STRN: variants seen among roughly 807,000 people sequenced by gnomAD.
STRN encodes protein phosphatase 2 regulatory subunit B'''alpha.
Under a neutral mutation model 96.3 loss-of-function variants are expected in STRN, and 53 were observed. The observed-to-expected ratio is 0.55, with a 90% confidence interval of 0.44 to 0.69. STRN has a LOEUF of 0.69. Among genes scored for constraint, STRN ranks in the 30% least tolerant of loss-of-function variants. The pLI is 0.00. For missense variants in STRN, 987 were observed against 963.9 expected, an observed-to-expected ratio of 1.02 and a Z score of -0.32; for synonymous variants, 428 against 355.9, an observed-to-expected ratio of 1.20 and a Z score of -2.28.
In STRN at chr2:36,839,244, T is replaced by C. The variant is rs1168716028; in HGVS notation, c.*10212A>G. Among the ~76,000 whole-genome samples the C allele has an allele frequency of 1.3e-5, 2 of 152,186 alleles. No homozygotes were observed. The highest frequency in any genetic ancestry group is 6.5e-5 in the Admixed American group (1 of 15,276). On this transcript the variant is annotated 3_prime_UTR_variant, in exon 18 of 18. Transcript: ENST00000263918. ...CATCCCCCTTCCCTGCTCTATTTTT[T>C]TTCCCTCTGCACTTATCACTAATAT... is the stretch of plus-strand genomic sequence containing the variant.
At chr2:36,896,665 G>C (rs1254287169) in intron 6 of STRN, among the ~76,000 whole-genome samples, 1 of 152,006 alleles carries the variant, frequency 6.6e-6, no homozygotes, top group Non-Finnish European at 1.5e-5. Flanking sequence ...AGGGGACGTG[G>C]GATTCTTTAT....
intron 1 of STRN, among the ~76,000 whole-genome samples, chr2:36,962,281 A>C (rs1665047099): frequency 6.6e-6 from 1 of 152,192 alleles, no homozygotes; most frequent in South Asian, 2.1e-4. Flanking sequence ...ACATGCCCTA[A>C]GCTACTCAAT....
rs774168649 is a variant in STRN, at chr2:36,857,884, T to C, written c.1809A>G (p.Pro603=). 1.9e-6 allele frequency: 3 copies of C among 1,614,158 alleles called. No homozygotes were observed. The change falls in exon 14 of 18, where the codon CCA becomes CCG. Residue 603 remains proline, a synonymous_variant. Transcript: ENST00000263918. ...LRLWNTTEVA[P]ALSVFNDTKE... ...TAGTATCATTAAATACACTTAGTGC[T>C]GGAGCAACCTCAGTTGTATTCCATA...
rs554211047 is a variant in STRN at position 36,966,494 on chromosome 2, G to A, written c.-31C>T. Reference sequence around the variant, plus strand: ...CCGCAGATACCCGGGGAGCTGCCCCGGCGCCCAGCAGCGGAGGCAACAGCG... The same window carrying A: ...CCGCAGATACCCGGGGAGCTGCCCCAGCGCCCAGCAGCGGAGGCAACAGCG... On this transcript the variant is annotated 5_prime_UTR_variant, in exon 1 of 18. Coordinates refer to ENST00000263918, the MANE Select transcript of STRN (RefSeq NM_003162.4). The A allele has an allele frequency of 2.1e-6, 3 of 1,396,166 alleles. No homozygotes were observed. The highest frequency in any genetic ancestry group is 1.5e-5 in the African/African-American group (1 of 65,676). The allele number at this position is 1,396,166 out of a possible 1,614,324, so 86.5% of individuals were successfully genotyped here.
chr2:36,860,672 C>T (rs1668456488), intron 13 of STRN, among the ~76,000 whole-genome samples: 1 of 152,118 alleles, frequency 6.6e-6, no homozygotes, highest in African/African-American at 2.4e-5. Context: ...TTCTTAACTT[C>T]TGAGGCCTTT....
Position 36,842,917 on chromosome 2 carries a change from A to G in STRN, c.*6539T>C, listed in dbSNP as rs2148112373. ...GGTTAAAAGGTATGCTTGACTCCCA[A>G]GGTGTTCTGGGAATATTTTATGTGC... is the stretch of plus-strand genomic sequence containing the variant. On this transcript the variant is annotated 3_prime_UTR_variant, in exon 18 of 18. Transcript: ENST00000263918. Among the ~76,000 whole-genome samples, 1 of 152,208 alleles carries G rather than the reference A, an allele frequency of 6.6e-6. No individual in the cohort carries two copies. Among genetic ancestry groups the G allele is most frequent in the East Asian group, 1.9e-4 (1 of 5,180 alleles).
chr2:36,867,769 T>C, intron 12 of STRN, 45 bp downstream of exon 12: 1 of 1,326,632 alleles, frequency 7.5e-7, no homozygotes. Context: ...ACCAGGCTAT[T>C]TTACAGAGAT....
At chr2:36,852,973 A>G (rs1443882092) in intron 15 of STRN, among the ~76,000 whole-genome samples, 2 of 152,198 alleles carry the variant, frequency 1.3e-5, no homozygotes, top group African/African-American at 4.8e-5. Flanking sequence ...CCTGGCCAAC[A>G]TGGTGAAACT....
At chr2:36,881,615 T>C (rs1346975643) in intron 9 of STRN, among the ~76,000 whole-genome samples, 1 of 152,300 alleles carries the variant, frequency 6.6e-6, no homozygotes, top group South Asian at 2.1e-4. Flanking sequence ...GGGGGAAGGC[T>C]TAGGACCACT....
intron 6 of STRN, 88 bp downstream of exon 6, chr2:36,899,435 G>A: frequency 3.3e-6 from 4 of 1,222,270 alleles, no homozygotes; most frequent in Non-Finnish European, 4.3e-6. Flanking sequence ...TACGGGTTAA[G>A]ATTAAAGAAC....
chr2:36,861,071 TA>T (rs750176488), intron 13 of STRN, 60 bp downstream of exon 13: 11 of 1,585,290 alleles, frequency 6.9e-6, no homozygotes, highest in Non-Finnish European at 9.4e-6. Context: ...TTTTATATTC[TA>T]TGAAAAAATG....
intron 1 of STRN, among the ~76,000 whole-genome samples, chr2:36,965,305 A>C (rs1412302109): frequency 1.3e-5 from 2 of 152,210 alleles, no homozygotes; most frequent in Admixed American, 1.3e-4. Context: ...ATGCCCTGGA[A>C]GTTTTAAGAA....
chr2:36,919,796 G>A (rs1336429163), intron 2 of STRN, among the ~76,000 whole-genome samples: 1 of 152,106 alleles, frequency 6.6e-6, no homozygotes, highest in Non-Finnish European at 1.5e-5. Flanking sequence ...AAAAATGGCA[G>A]AAATTTTTCA....
intron 15 of STRN, among the ~76,000 whole-genome samples, chr2:36,853,683 C>A (rs1190729811): frequency 3.9e-5 from 6 of 152,160 alleles, no homozygotes; most frequent in Admixed American, 2.6e-4. Context: ...TCCTTCATCA[C>A]TTTAAACTCT....
At chr2:36,962,034 A>C (rs76833117) in intron 1 of STRN, among the ~76,000 whole-genome samples, 2,351 of 151,802 alleles carry the variant, frequency 0.015, 62 homozygotes, top group African/African-American at 0.053. Context: ...AAATCCTCTT[A>C]TTTTCTTTCC....
chr2:36,908,090 G>C (rs1418585973), intron 3 of STRN, among the ~76,000 whole-genome samples: 2 of 152,162 alleles, frequency 1.3e-5, no homozygotes, highest in Non-Finnish European at 2.9e-5. Flanking sequence ...TTCAGGATCT[G>C]TGCAGGTAAC....
chr2:36,876,551 C>G (rs1668917787), intron 10 of STRN, among the ~76,000 whole-genome samples: 1 of 151,910 alleles, frequency 6.6e-6, no homozygotes, highest in South Asian at 2.1e-4. Context: ...TTTACCGTAC[C>G]TATGGTTTAC....
intron 7 of STRN, among the ~76,000 whole-genome samples, chr2:36,892,156 T>C (rs540354171): frequency 2.0e-5 from 3 of 152,276 alleles, no homozygotes; most frequent in Non-Finnish European, 4.4e-5. Flanking sequence ...TAAATTAACA[T>C]AGAAACAGAA....
intron 10 of STRN, among the ~76,000 whole-genome samples, chr2:36,873,493 G>A (rs1439427844): frequency 6.6e-6 from 1 of 152,154 alleles, no homozygotes; most frequent in Non-Finnish European, 1.5e-5. Flanking sequence ...CCAGAAGGCA[G>A]AAGTTGCAGT....
Sources: gnomAD v4.1 joint callset for allele counts (sites outside exome capture counted in the v4.1 genomes callset) on GRCh38, gnomAD v4.1.1 for gene constraint, MANE v1.5 for transcripts, NCBI Gene and HGNC (gene_info 2026-07-23, HGNC 2026-07-21) for gene names.